Variants in GPC6 observed in about 807,000 individuals in gnomAD.
The protein encoded by GPC6 is glypican 6, also known as glypican-6.
In GPC6, 14 loss-of-function variants were observed where a neutral mutation model predicts 55.2. The observed-to-expected ratio is 0.25, with a 90% CI of 0.17 to 0.40. GPC6 has a LOEUF of 0.40. Ranked by LOEUF, GPC6 falls within the 10% of genes least tolerant of loss-of-function variation. The pLI, the probability that GPC6 is intolerant of heterozygous loss-of-function variation, is 1.00. For missense variants in GPC6, 641 were observed against 708.5 expected, an observed-to-expected ratio of 0.90 and a Z score of 1.08; for synonymous variants, 278 against 259.6, an observed-to-expected ratio of 1.07 and a Z score of -0.68.
At chr13:93,904,621 C>T (rs2140330044) in intron 3 of GPC6, among the ~76,000 whole-genome samples, 1 of 152,124 alleles carries the variant, frequency 6.6e-6, no homozygotes, top group South Asian at 2.1e-4. Context: ...GCCTATTGTC[C>T]CAGCTACTAG....
chr13:93,528,544 A>G (rs1881738853), intron 1 of GPC6, among the ~76,000 whole-genome samples: 1 of 152,176 alleles, frequency 6.6e-6, no homozygotes, highest in Non-Finnish European at 1.5e-5. Context: ...AAACTTGTCC[A>G]TAAAGATGAC....
intron 1 of GPC6, among the ~76,000 whole-genome samples, chr13:93,251,035 G>T (rs542382506): frequency 4.0e-4 from 61 of 152,232 alleles, no homozygotes; most frequent in African/African-American, 1.3e-3. Flanking sequence ...ATCAGATCTC[G>T]TGAGACTTAT....
At chr13:94,275,411 T>A (rs1566623675) in intron 4 of GPC6, among the ~76,000 whole-genome samples, 1 of 152,066 alleles carries the variant, frequency 6.6e-6, no homozygotes, top group Non-Finnish European at 1.5e-5. Context: ...AGAGGGAGAA[T>A]ATTCCAGGAA....
chr13:93,988,695 C>A (rs533251601), intron 3 of GPC6, among the ~76,000 whole-genome samples: 12 of 152,178 alleles, frequency 7.9e-5, no homozygotes, highest in African/African-American at 2.9e-4. Flanking sequence ...ACCCTCATGA[C>A]CTAATTGTCT....
intron 6 of GPC6, among the ~76,000 whole-genome samples, chr13:94,370,880 C>CT (rs751492946): frequency 6.6e-6 from 1 of 152,036 alleles, no homozygotes; most frequent in Non-Finnish European, 1.5e-5. Context: ...AAAAGATATT[C>CT]TTTTTTATTT....
chr13:93,846,941 A>G (rs535521833), intron 3 of GPC6, among the ~76,000 whole-genome samples: 1 of 152,324 alleles, frequency 6.6e-6, no homozygotes, highest in South Asian at 2.1e-4. Context: ...AAGAAAATTT[A>G]AAATATCTCC....
intron 4 of GPC6, among the ~76,000 whole-genome samples, chr13:94,161,752 C>T (rs995624826): frequency 6.6e-6 from 1 of 152,152 alleles, no homozygotes; most frequent in Non-Finnish European, 1.5e-5. Flanking sequence ...CCAACTCAAA[C>T]TGGCTTTCAT....
At chr13:94,228,844 T>C (rs1368617762) in intron 4 of GPC6, among the ~76,000 whole-genome samples, 1 of 152,084 alleles carries the variant, frequency 6.6e-6, no homozygotes, top group Non-Finnish European at 1.5e-5. Context: ...ATGAGATTTT[T>C]CAAAGTGCTG....
intron 1 of GPC6, among the ~76,000 whole-genome samples, chr13:93,298,100 C>A (rs1472377018): frequency 1.3e-5 from 2 of 152,138 alleles, no homozygotes; most frequent in Non-Finnish European, 2.9e-5. Flanking sequence ...CAGTGCCAGA[C>A]CAAAAATCAG....
At chr13:94,016,166 C>T (rs1034633496) in intron 3 of GPC6, among the ~76,000 whole-genome samples, 6 of 152,142 alleles carry the variant, frequency 3.9e-5, no homozygotes, top group Non-Finnish European at 8.8e-5. Flanking sequence ...GCTTATTTTA[C>T]GTAGCATAAT....
At chr13:93,793,951 TTAA>T (rs1382121176) in intron 2 of GPC6, among the ~76,000 whole-genome samples, 3 of 152,216 alleles carry the variant, frequency 2.0e-5, no homozygotes, top group African/African-American at 7.2e-5. Flanking sequence ...TATCTGTCTA[TTAA>T]TGTTTTTGTC....
At chr13:94,056,567 G>T (rs2138761454) in intron 4 of GPC6, among the ~76,000 whole-genome samples, 1 of 152,296 alleles carries the variant, frequency 6.6e-6, no homozygotes, top group Non-Finnish European at 1.5e-5. Flanking sequence ...AGGACTGGGA[G>T]CTAGAGAATG....
At chr13:94,168,760 A>G (rs1888458249) in intron 4 of GPC6, among the ~76,000 whole-genome samples, 1 of 149,708 alleles carries the variant, frequency 6.7e-6, no homozygotes, top group Admixed American at 6.7e-5. Context: ...GAATTGGAGT[A>G]AAGGCGAATA....
chr13:94,104,064 G>T (rs955530609), intron 4 of GPC6, among the ~76,000 whole-genome samples: 2 of 152,268 alleles, frequency 1.3e-5, no homozygotes, highest in Non-Finnish European at 2.9e-5. Flanking sequence ...TTTTGTACAA[G>T]GTGTAAGGAA....
chr13:94,133,935 GT>G (rs540154844), intron 4 of GPC6, among the ~76,000 whole-genome samples: 1,646 of 152,070 alleles, frequency 0.011, 38 homozygotes, highest in African/African-American at 0.038. Flanking sequence ...AAACAGCCTA[GT>G]TTTTTTCAGA....
intron 4 of GPC6, among the ~76,000 whole-genome samples, chr13:94,105,614 G>A (rs571573168): frequency 1.3e-5 from 2 of 152,278 alleles, no homozygotes; most frequent in South Asian, 2.1e-4. Context: ...GAGAGCATAT[G>A]GGAAGTGAAA....
intron 2 of GPC6, among the ~76,000 whole-genome samples, chr13:93,658,055 C>T (rs896730931): frequency 2.0e-5 from 3 of 151,802 alleles, no homozygotes; most frequent in African/African-American, 7.3e-5. Context: ...ACATGTACAC[C>T]CTGAACCTAA....
chr13:94,285,117 A>G (rs115653203), intron 4 of GPC6, among the ~76,000 whole-genome samples: 2,813 of 152,356 alleles, frequency 0.018, 90 homozygotes, highest in African/African-American at 0.064. Context: ...AGAAAAATAA[A>G]TAGGTGCCTA....
chr13:94,301,002 T>C (rs572602008), intron 5 of GPC6, among the ~76,000 whole-genome samples: 120 of 152,236 alleles, frequency 7.9e-4, no homozygotes, highest in Middle Eastern at 3.4e-3. Context: ...ACCTTCACAG[T>C]ATATCTCAGG....
Sources: allele counts gnomAD v4.1 joint callset (sites outside exome capture counted in the v4.1 genomes callset), GRCh38; gene constraint gnomAD v4.1.1; transcripts MANE v1.5; gene names NCBI Gene and HGNC (gene_info 2026-07-23, HGNC 2026-07-21).